Variants in NRCAM observed in about 807,000 individuals in gnomAD.
The protein encoded by NRCAM is neuronal cell adhesion molecule.
A neutral mutation model predicts 156.5 loss-of-function variants in NRCAM; 83 were observed. The observed-to-expected ratio is 0.53, with a 90% CI of 0.44 to 0.64. The LOEUF (loss-of-function observed/expected upper bound fraction) is 0.64. Ranked by LOEUF, NRCAM falls within the 30% of genes least tolerant of loss-of-function variation. The pLI, the probability that NRCAM is intolerant of heterozygous loss-of-function variation, is 0.00. For synonymous variants in NRCAM, 538 were observed against 563.9 expected (o/e 0.95, Z 0.65); for missense variants, 1,417 against 1,597.3 (o/e 0.89, Z 1.92).
intron 2 of NRCAM, among the ~76,000 whole-genome samples, chr7:108,394,921 T>C (rs2099772641): frequency 6.6e-6 from 1 of 152,248 alleles, no homozygotes; most frequent in South Asian, 2.1e-4. Context: ...GGAAGTTGTT[T>C]TATTTTTCCA....
chr7:108,198,084 G>A lies in NRCAM; in HGVS notation c.1223C>T (p.Pro408Leu), dbSNP rs1212770874. 2 of 1,601,290 alleles carry A rather than the reference G, an allele frequency of 1.2e-6. No individual in the cohort carries two copies. Among genetic ancestry groups the A allele is most frequent in the Non-Finnish European group, 8.5e-7 (1 of 1,175,790 alleles). ...GVPIEIAPDD[P>L]SRKIDGDTII... Reference sequence around the variant, plus strand: ...GGTATCGCCATCTATTTTTCTGCTGGGGTCATCAGGGGCAACTGTTTGGAT... The same window carrying A: ...GGTATCGCCATCTATTTTTCTGCTGAGGTCATCAGGGGCAACTGTTTGGAT... The change falls in exon 14 of 33, where the codon CCC becomes CTC. Residue 408 changes from proline to leucine, a missense_variant. Coordinates refer to ENST00000379028, the MANE Select transcript of NRCAM (RefSeq NM_001037132.4).
intron 13 of NRCAM, among the ~76,000 whole-genome samples, chr7:108,201,991 G>C (rs1329047672): frequency 6.6e-6 from 1 of 152,144 alleles, no homozygotes; most frequent in East Asian, 1.9e-4. Flanking sequence ...TGGACACAGA[G>C]TAAAATCACT....
At chr7:108,449,987 C>CAT (rs994671254) in intron 1 of NRCAM, among the ~76,000 whole-genome samples, 2 of 151,288 alleles carry the variant, frequency 1.3e-5, no homozygotes, top group Admixed American at 6.6e-5. Flanking sequence ...ATATATTCAA[C>CAT]ATATATATAT....
intron 3 of NRCAM, among the ~76,000 whole-genome samples, chr7:108,257,686 C>G (rs911199264): frequency 1.3e-5 from 2 of 152,142 alleles, no homozygotes; most frequent in African/African-American, 4.8e-5. Context: ...CTATCATCAT[C>G]TGCAAATCAA....
chr7:108,238,554 C>G (rs1482431332), intron 4 of NRCAM, among the ~76,000 whole-genome samples: 1 of 152,146 alleles, frequency 6.6e-6, no homozygotes, highest in Non-Finnish European at 1.5e-5. Flanking sequence ...GCCTCTTCTC[C>G]GTTAGCAGTG....
chr7:108,370,590 G>A (rs891180833), intron 2 of NRCAM, among the ~76,000 whole-genome samples: 8 of 151,380 alleles, frequency 5.3e-5, no homozygotes, highest in South Asian at 2.1e-4. Flanking sequence ...AAATCGTAAC[G>A]TTTTTCAGAT....
rs554556224 is a variant in NRCAM at position 108,168,433 on chromosome 7, A to G, written c.3188-31T>C. 5.5e-5 allele frequency: 86 copies of G among 1,566,480 alleles called. 1 individual carries two copies. The South Asian group carries it at 9.8e-4, about 18-fold the overall frequency. ...CATACAATAGAAAAATAAAACAAAC[A>G]ATCATATTGCAACACCATACACACG... On this transcript the variant is annotated intron_variant, in intron 28 of 32. Transcript: ENST00000379028.
chr7:108,431,907 T>C (rs1434209679), intron 1 of NRCAM, among the ~76,000 whole-genome samples: 1 of 152,108 alleles, frequency 6.6e-6, no homozygotes, highest in South Asian at 2.1e-4. Flanking sequence ...AACCAAAAGG[T>C]AGAGGTAAGG....
chr7:108,161,726 T>C (rs2049125767), intron 30 of NRCAM, among the ~76,000 whole-genome samples: 1 of 152,212 alleles, frequency 6.6e-6, no homozygotes, highest in East Asian at 1.9e-4. Flanking sequence ...TTTTTCTCCA[T>C]ACAAAGTTTA....
At chr7:108,438,996 A>AATT (rs1835462275) in intron 1 of NRCAM, among the ~76,000 whole-genome samples, 1 of 152,194 alleles carries the variant, frequency 6.6e-6, no homozygotes, top group South Asian at 2.1e-4. Context: ...ATAGACATTA[A>AATT]ATGTTATGAA....
At chr7:108,166,131 A>G (rs576645609) in intron 30 of NRCAM, among the ~76,000 whole-genome samples, 2 of 152,252 alleles carry the variant, frequency 1.3e-5, no homozygotes, top group Non-Finnish European at 2.9e-5. Context: ...TATGAATTGT[A>G]CAAGTTCTTG....
rs565852784 is a variant in NRCAM at position 108,191,308 on chromosome 7, A to G, written c.1904-25T>C. The G allele has an allele frequency of 9.6e-6, 15 of 1,563,470 alleles. No individual in the cohort carries two copies. The East Asian group carries it at 2.0e-4, about 21-fold the overall frequency. On this transcript the variant is annotated intron_variant, in intron 18 of 32. Coordinates refer to ENST00000379028, the MANE Select transcript of NRCAM (RefSeq NM_001037132.4). The stretch of plus-strand genomic sequence containing the variant: ...GCTAGAAAGGACATTAATATAAAGG[A>G]TTTTAATCAAAATTAGTAATGGAAA...
intron 20 of NRCAM, 107 bp from the exon 21 acceptor site, chr7:108,184,721 G>C: frequency 1.2e-6 from 1 of 824,198 alleles, no homozygotes; most frequent in South Asian, 2.0e-5. Flanking sequence ...AACCAAACAT[G>C]AATTATTTTA....
In NRCAM at chr7:108,232,373, T is replaced by C; in HGVS notation, c.380A>G (p.Asn127Ser). The part of the protein sequence containing the change: ...YEGVYQCTAR[N>S]ERGAAVSNNI... Reference sequence around the variant, plus strand: ...ATTAGAAACTGCAGCTCCGCGTTCGTTCCTTGCTGTACACTGATAGACTCC... The same window carrying C: ...ATTAGAAACTGCAGCTCCGCGTTCGCTCCTTGCTGTACACTGATAGACTCC... Residue 127 changes from asparagine (N) to serine (S), a missense_variant, in exon 7 of 33, where the codon AAC becomes AGC. Asn to Ser is a conservative substitution (Grantham distance 46). This residue lies in a region of NRCAM where 1,238 missense variants were observed against 1,336.4 expected (regional missense o/e 0.93). Coordinates refer to ENST00000379028, the MANE Select transcript of NRCAM (RefSeq NM_001037132.4). The C allele has an allele frequency of 6.2e-7, 1 of 1,611,150 alleles. No individual in the cohort carries two copies. Among genetic ancestry groups the C allele is most frequent in the Non-Finnish European group, 8.5e-7 (1 of 1,179,082 alleles).
chr7:108,239,781 C>A (rs2095410900), intron 4 of NRCAM, among the ~76,000 whole-genome samples, 178 bp downstream of exon 4: 1 of 152,164 alleles, frequency 6.6e-6, no homozygotes, highest in Non-Finnish European at 1.5e-5. Flanking sequence ...ATTTCAATGG[C>A]CACTTCTACA....
chr7:108,438,335 TGGGATGTATTGC>T (rs1834642796), intron 1 of NRCAM, among the ~76,000 whole-genome samples: 1 of 152,138 alleles, frequency 6.6e-6, no homozygotes, highest in Non-Finnish European at 1.5e-5. Flanking sequence ...TATGACCAAG[TGGGATGTATTGC>T]AGAAGTTTAA....
At chr7:108,246,470 A>C (rs2095931949) in intron 3 of NRCAM, among the ~76,000 whole-genome samples, 1 of 152,124 alleles carries the variant, frequency 6.6e-6, no homozygotes, top group Non-Finnish European at 1.5e-5. Context: ...AGCAGGAACA[A>C]AAGCCAAAGG....
chr7:108,241,543 A>G (rs76662632), intron 3 of NRCAM, among the ~76,000 whole-genome samples: 6,172 of 152,204 alleles, frequency 0.041, 164 homozygotes, highest in Middle Eastern at 0.068. Flanking sequence ...ATGATTGTAT[A>G]TTTTACGATG....
chr7:108,450,257 CTTTT>C (rs11316439), intron 1 of NRCAM, among the ~76,000 whole-genome samples: 2 of 144,976 alleles, frequency 1.4e-5, no homozygotes, highest in Non-Finnish European at 3.0e-5. Flanking sequence ...TTACCACTGG[CTTTT>C]TTTTTTTTTT....
Sources: allele counts gnomAD v4.1 joint callset (sites outside exome capture counted in the v4.1 genomes callset), GRCh38; gene constraint gnomAD v4.1.1; regional missense constraint gnomAD v4.1.1; transcripts MANE v1.5; gene names NCBI Gene and HGNC (gene_info 2026-07-23, HGNC 2026-07-21).